Variants in RBM6 observed in about 807,000 individuals in gnomAD.
RBM6 encodes RNA-binding protein 6.
A neutral mutation model predicts 140.4 loss-of-function variants in RBM6; 23 were observed. That is an observed-to-expected ratio of 0.16 (90% CI 0.12 to 0.23). RBM6 has a LOEUF of 0.23. Among genes scored for constraint, RBM6 ranks in the 10% least tolerant of loss-of-function variants. The pLI is 1.00. For missense variants in RBM6, 1,139 were observed against 1,386.7 expected (o/e 0.82, Z 2.84); for synonymous variants, 439 against 475.6 (o/e 0.92, Z 1.00).
chr3:50,057,786 A>C lies in RBM6; in HGVS notation c.1752A>C (p.Pro584=), dbSNP rs2089773554. 6.2e-7 allele frequency: 1 copy of C among 1,613,660 alleles called. No individual in the cohort carries two copies. Among genetic ancestry groups the C allele is most frequent in the Non-Finnish European group, 8.5e-7 (1 of 1,179,914 alleles). ...TYPQPQKTSI[P]APLEKQPNQP... ...CTCAGCCTCAGAAAACATCCATACC[A>C]GCACCATTGGAAAAACAGCCCAACC... The change falls in exon 9 of 21, where the codon CCA becomes CCC. Residue 584 remains proline, a synonymous_variant. Coordinates refer to ENST00000266022, the MANE Select transcript of RBM6 (RefSeq NM_005777.3).
Position 49,967,784 on chromosome 3 carries a change from T to A in RBM6, c.359T>A (p.Ile120Lys), listed in dbSNP as rs752449685. 6.2e-7 allele frequency: 1 copy of A among 1,614,026 alleles called. No homozygotes were observed. Among genetic ancestry groups the A allele is most frequent in the Non-Finnish European group, 8.5e-7 (1 of 1,180,008 alleles). Residue 120 changes from isoleucine (I) to lysine (K), a missense_variant, in exon 3 of 21, where the codon ATA (isoleucine) becomes AAA (lysine). Around this residue, in one of 9 missense-constraint regions of RBM6, gnomAD observed 566 missense variants for 612.7 expected, o/e 0.92. Coordinates refer to ENST00000266022, the MANE Select transcript of RBM6 (RefSeq NM_005777.3). The surrounding 1 kb of genome is among the most constrained non-coding windows in gnomAD (Gnocchi z 4.0). ...CAGTTGGACTTCAGGGGTAGGGACA[T>A]ACATTCTGGGGATTTTCGGGATAGA... is the stretch of plus-strand genomic sequence containing the variant. Reference protein sequence around the residue: ...SSQLDFRGRDIHSGDFRDREG... With the variant: ...SSQLDFRGRDKHSGDFRDREG...
intron 6 of RBM6, among the ~76,000 whole-genome samples, chr3:50,003,087 G>C (rs1220540984): frequency 1.3e-5 from 2 of 151,964 alleles, no homozygotes; most frequent in Admixed American, 6.6e-5. Context: ...CTGCACTCCA[G>C]CCTGCTGACA....
intron 1 of RBM6, among the ~76,000 whole-genome samples, chr3:49,952,032 ATTATTT>A (rs1408269135): frequency 6.8e-6 from 1 of 146,024 alleles, no homozygotes; most frequent in Non-Finnish European, 1.5e-5. Context: ...TGTTATTATT[ATTATTT>A]TTATTTTTTT....
intron 5 of RBM6, among the ~76,000 whole-genome samples, chr3:49,985,882 A>G (rs1200434587): frequency 6.6e-6 from 1 of 152,160 alleles, no homozygotes; most frequent in African/African-American, 2.4e-5. Flanking sequence ...CTGGGTTTAC[A>G]GGCGTGAGCC....
At chr3:49,998,278 C>G (rs543167550) in intron 5 of RBM6, among the ~76,000 whole-genome samples, 23 of 152,310 alleles carry the variant, frequency 1.5e-4, no homozygotes, top group African/African-American at 5.5e-4. Context: ...GATATTGATG[C>G]AGTGATATCA....
chr3:50,032,629 C>A (rs914361201), intron 6 of RBM6, among the ~76,000 whole-genome samples: 2 of 151,902 alleles, frequency 1.3e-5, no homozygotes, highest in African/African-American at 4.8e-5. Context: ...ATTAATTATT[C>A]TTATAATAAT....
intron 6 of RBM6, among the ~76,000 whole-genome samples, chr3:50,016,445 T>C (rs1251984161): frequency 6.6e-6 from 1 of 152,146 alleles, no homozygotes; most frequent in Admixed American, 6.6e-5. Context: ...TTCAGTTTCA[T>C]TGGATATATA....
intron 9 of RBM6, 27 bp downstream of exon 9, chr3:50,058,030 A>C: frequency 6.2e-7 from 1 of 1,605,240 alleles, no homozygotes; most frequent in East Asian, 2.2e-5. Context: ...GGCACATACC[A>C]GACTGTGATC....
chr3:49,962,551 A>C lies in RBM6; in HGVS notation c.-66-25A>C, dbSNP rs2084330895. 49 of 1,143,094 alleles carry C rather than the reference A, an allele frequency of 4.3e-5. No individual in the cohort carries two copies. The South Asian group carries it at 7.2e-4, about 17-fold the overall frequency. 70.8% of individuals were successfully genotyped at this position (1,143,094 alleles called of 1,614,324 possible). On this transcript the variant is annotated intron_variant, in intron 1 of 20. Transcript: ENST00000266022. The stretch of plus-strand genomic sequence containing the variant: ...CTTTTAGTTCACATTCTAAAGTACT[A>C]ATTTTTGTGGTTTATTTTGTACAGG...
rs577855945 is a variant in RBM6 at position 50,011,741 on chromosome 3, C to T, written c.1557+12228C>T. 3.6e-4 allele frequency among the ~76,000 whole-genome samples: 54 copies of T among 152,060 alleles called. 2 individuals are homozygous for T. The South Asian group carries it at 9.6e-3, about 27-fold the overall frequency. Reference sequence around the variant, plus strand: ...GACATAAATTATATATCATAAAAGTCACTCATTTTAACTGTACAATTCAAT... The same window carrying T: ...GACATAAATTATATATCATAAAAGTTACTCATTTTAACTGTACAATTCAAT... On this transcript the variant is annotated intron_variant, in intron 6 of 20. Transcript: ENST00000266022.
At chr3:49,956,222 C>T (rs796140703) in intron 1 of RBM6, among the ~76,000 whole-genome samples, 2 of 150,498 alleles carry the variant, frequency 1.3e-5, no homozygotes, top group Non-Finnish European at 3.0e-5. Context: ...TAGGGTTTTG[C>T]CATGTTGCCC....
intron 1 of RBM6, among the ~76,000 whole-genome samples, chr3:49,943,948 G>A (rs1419513163): frequency 6.6e-6 from 1 of 152,042 alleles, no homozygotes; most frequent in African/African-American, 2.4e-5. Context: ...TGTGTGTTTT[G>A]ATGATAGCCA....
At chr3:50,057,682 T>C in intron 8 of RBM6, 46 bp from the exon 9 acceptor site, 1 of 1,512,198 alleles carries the variant, frequency 6.6e-7, no homozygotes, top group Non-Finnish European at 8.9e-7. Flanking sequence ...TTTTTTTTTT[T>C]TTTGATAAAG....
In RBM6 at chr3:49,954,984, C is replaced by A. The variant is rs2083906881; in HGVS notation, c.-66-7592C>A. Among the ~76,000 whole-genome samples, 3 of 151,914 alleles carry A rather than the reference C, an allele frequency of 2.0e-5. No individual in the cohort carries two copies. The South Asian group carries it at 6.2e-4, about 31-fold the overall frequency. ...CTGTGTTAGCCAGGATGGCCTCGAT[C>A]TCCTGACCTCGTGATCCGCCTGCCT... On this transcript the variant is annotated intron_variant, in intron 1 of 20. Transcript: ENST00000266022.
At chr3:50,065,542 AGAG>A (rs2090095638) in intron 16 of RBM6, 1 of 458,104 alleles carries the variant, frequency 2.2e-6, no homozygotes, top group African/African-American at 2.0e-5. Context: ...CTGCCTGTTC[AGAG>A]TGAATGATGC....
chr3:49,988,563 G>A (rs1486538776), intron 5 of RBM6, among the ~76,000 whole-genome samples: 1 of 152,094 alleles, frequency 6.6e-6, no homozygotes, highest in Non-Finnish European at 1.5e-5. Context: ...AGAGGTAGAA[G>A]GAGCAGGAAA....
chr3:50,064,163 C>A (rs567811645), intron 15 of RBM6, among the ~76,000 whole-genome samples: 2 of 152,044 alleles, frequency 1.3e-5, no homozygotes, highest in Non-Finnish European at 1.5e-5. Flanking sequence ...GAACTCCTGA[C>A]CTTGTGATCC....
chr3:50,004,676 G>C (rs2108750384), intron 6 of RBM6, among the ~76,000 whole-genome samples: 1 of 152,030 alleles, frequency 6.6e-6, no homozygotes, highest in African/African-American at 2.4e-5. Flanking sequence ...CTGGAGTACA[G>C]TGGTACGATG....
At position 49,975,483 on chromosome 3, in the gene RBM6, A is replaced by G. The variant is rs534108339; in HGVS notation, c.1483+91A>G. ...TGCTACTTAAAATTTGTTTCAAGAA[A>G]CCACAATTAAAATTTCCAGAAGCCT... On this transcript the variant is annotated intron_variant, in intron 5 of 20. Coordinates refer to ENST00000266022, the MANE Select transcript of RBM6 (RefSeq NM_005777.3). 13 of 1,138,934 alleles carry G rather than the reference A, an allele frequency of 1.1e-5. No individual in the cohort carries two copies. The South Asian group carries it at 1.6e-4, about 14-fold the overall frequency. The allele number at this position is 1,138,934 out of a possible 1,614,324, so 70.6% of individuals were successfully genotyped here. A position where few individuals can be genotyped will look rare whatever the true frequency, so the allele number is the denominator to read the frequency against.
Sources: allele counts gnomAD v4.1 joint callset (sites outside exome capture counted in the v4.1 genomes callset), GRCh38; gene constraint gnomAD v4.1.1; regional missense constraint gnomAD v4.1.1; non-coding constraint Gnocchi (gnomAD v3.1); transcripts MANE v1.5; gene names NCBI Gene and HGNC (gene_info 2026-07-23, HGNC 2026-07-21).